The following CYP2C19 variants were observed in gnomAD, a reference collection of about 807,000 sequenced individuals.
CYP2C19 encodes the protein cytochrome P450 2C19.
CYP2C19 carries 59 observed loss-of-function variants against 40.9 expected under a neutral mutation model. The observed-to-expected ratio is 1.44, with a 90% confidence interval of 1.17 to 1.79. CYP2C19 has a LOEUF of 1.79. Among genes scored for constraint, CYP2C19 ranks in the 40% most tolerant of loss-of-function variants. The probability of loss-of-function intolerance (pLI) is 0.00; values close to 1 mark genes in which losing one functional copy is unlikely to be tolerated. For synonymous variants in CYP2C19, 253 were observed against 208.7 expected, an observed-to-expected ratio of 1.21 and a Z score of -1.83; for missense variants, 754 against 596.9, an observed-to-expected ratio of 1.26 and a Z score of -2.74.
chr10:94,830,552 G>T (rs550698782), intron 6 of CYP2C19, among the ~76,000 whole-genome samples: 4 of 152,144 alleles, frequency 2.6e-5, no homozygotes, highest in African/African-American at 9.7e-5. Context: ...TGCGCCCACT[G>T]TCTGGCACTC....
chr10:94,821,654 T>C (rs1849123791), intron 6 of CYP2C19, among the ~76,000 whole-genome samples: 1 of 152,226 alleles, frequency 6.6e-6, no homozygotes, highest in Non-Finnish European at 1.5e-5. Flanking sequence ...TTAAAGACTT[T>C]CGGTTATGCT....
chr10:94,793,624 A>C (rs952449639), intron 5 of CYP2C19, among the ~76,000 whole-genome samples: 2 of 152,050 alleles, frequency 1.3e-5, no homozygotes, highest in African/African-American at 4.8e-5. Flanking sequence ...CTGGAGGTCC[A>C]CTCCAGACCC....
intron 5 of CYP2C19, among the ~76,000 whole-genome samples, chr10:94,805,436 G>A (rs559860301): frequency 2.6e-5 from 4 of 152,214 alleles, no homozygotes; most frequent in Non-Finnish European, 4.4e-5. Context: ...TGTAAAAAAT[G>A]TTGTGGCAAA....
At chr10:94,847,510 C>T (rs1849590626) in intron 7 of CYP2C19, among the ~76,000 whole-genome samples, 2 of 152,094 alleles carry the variant, frequency 1.3e-5, no homozygotes, top group South Asian at 2.1e-4. Flanking sequence ...CAAGTCGTTG[C>T]TATTGTGAGT....
chr10:94,810,835 C>A, intron 5 of CYP2C19, among the ~76,000 whole-genome samples: 1 of 152,012 alleles, frequency 6.6e-6, no homozygotes, highest in East Asian at 1.9e-4. Flanking sequence ...AGAAAATTAA[C>A]TCCTGTATTC....
intron 5 of CYP2C19, among the ~76,000 whole-genome samples, chr10:94,812,441 T>A (rs1589363664): frequency 1.3e-5 from 2 of 152,106 alleles, no homozygotes; most frequent in East Asian, 3.9e-4. Flanking sequence ...ATTGTGGAAG[T>A]TCTCCTGGAT....
intron 5 of CYP2C19, among the ~76,000 whole-genome samples, chr10:94,817,030 A>G (rs1332414591): frequency 8.3e-6 from 1 of 120,534 alleles, no homozygotes; most frequent in Non-Finnish European, 1.8e-5. Context: ...ATAATGCCGC[A>G]ATAAACATAC....
In CYP2C19 at chr10:94,824,728, CAT is replaced by C. The variant is rs548484156; in HGVS notation, c.961+4092_961+4093del. ...TGTGCAGGTTAGTTACATATGTACA[CAT>C]GTGCCATGCTGGTGCACGGCACCCA... On this transcript the variant is annotated intron_variant, in intron 6 of 8. Coordinates refer to ENST00000371321, the MANE Select transcript of CYP2C19 (RefSeq NM_000769.4). Among the ~76,000 whole-genome samples the C allele has an allele frequency of 8.0e-3, 1,216 of 151,978 alleles. 11 individuals carry two copies. Among genetic ancestry groups the C allele is most frequent in the Non-Finnish European group, 9.8e-3 (665 of 67,966 alleles).
intron 5 of CYP2C19, among the ~76,000 whole-genome samples, chr10:94,797,353 T>C (rs935432430): frequency 6.6e-6 from 1 of 152,054 alleles, no homozygotes; most frequent in Admixed American, 6.6e-5. Flanking sequence ...AACTTGATTG[T>C]GGTGGATAAG....
intron 3 of CYP2C19, chr10:94,776,081 C>T (rs1848405305): frequency 6.3e-6 from 1 of 159,204 alleles, no homozygotes; most frequent in Non-Finnish European, 1.4e-5. Context: ...GTTTTTATTG[C>T]TTAGGCATAT....
chr10:94,810,733 T>C (rs1455683566), intron 5 of CYP2C19, among the ~76,000 whole-genome samples: 2 of 152,162 alleles, frequency 1.3e-5, no homozygotes, highest in Non-Finnish European at 2.9e-5. Context: ...AGTGGTGATA[T>C]CCCCTTTATC....
intron 5 of CYP2C19, among the ~76,000 whole-genome samples, chr10:94,791,093 T>G (rs1848599448): frequency 6.6e-6 from 1 of 152,138 alleles, no homozygotes; most frequent in Non-Finnish European, 1.5e-5. Flanking sequence ...GGTTTAGTCT[T>G]GGGAGGGTGT....
rs969662157 is a variant in CYP2C19 at position 94,782,056 on chromosome 10, T to C, written c.819+59T>C. 18 of 1,410,772 alleles carry C rather than the reference T, an allele frequency of 1.3e-5. No homozygotes were observed. The African/African-American group carries it at 2.4e-4, about 19-fold the overall frequency. The allele number at this position is 1,410,772 out of a possible 1,614,324, so 87.4% of individuals were successfully genotyped here. On this transcript the variant is annotated intron_variant, in intron 5 of 8. Transcript: ENST00000371321. ...GCTTGCGTATTTGTGATTCATTGAC[T>C]AGTTTTGTGTTTACTACGGATGTTT...
At chr10:94,809,429 T>G (rs1564672031) in intron 5 of CYP2C19, among the ~76,000 whole-genome samples, 1 of 152,158 alleles carries the variant, frequency 6.6e-6, no homozygotes, top group Admixed American at 6.6e-5. Context: ...TGCTGAAACT[T>G]TTTAACGTGA....
intron 5 of CYP2C19, among the ~76,000 whole-genome samples, chr10:94,785,383 G>A (rs1368777776): frequency 6.6e-6 from 1 of 151,986 alleles, no homozygotes; most frequent in African/African-American, 2.4e-5. Flanking sequence ...TTTGTATTTT[G>A]TCATCCAATT....
At chr10:94,814,642 G>C (rs974164896) in intron 5 of CYP2C19, among the ~76,000 whole-genome samples, 1 of 151,384 alleles carries the variant, frequency 6.6e-6, no homozygotes, top group Admixed American at 6.6e-5. Flanking sequence ...GAGCAGTGTA[G>C]GTTGTTAATG....
At chr10:94,809,738 C>T (rs933718068) in intron 5 of CYP2C19, among the ~76,000 whole-genome samples, 4 of 151,968 alleles carry the variant, frequency 2.6e-5, no homozygotes, top group Admixed American at 6.6e-5. Context: ...AGATACATTC[C>T]ATCAAAATCT....
At chr10:94,768,846 G>T (rs1848286945) in intron 1 of CYP2C19, among the ~76,000 whole-genome samples, 1 of 152,120 alleles carries the variant, frequency 6.6e-6, no homozygotes, top group Non-Finnish European at 1.5e-5. Flanking sequence ...AAGGCTTAAA[G>T]CTGAAGCTTG....
intron 5 of CYP2C19, among the ~76,000 whole-genome samples, chr10:94,812,862 G>A (rs2134261462): frequency 6.6e-6 from 1 of 152,070 alleles, no homozygotes; most frequent in East Asian, 1.9e-4. Flanking sequence ...GCCTACTTCT[G>A]TCAATTCATC....
Sources: allele counts gnomAD v4.1 joint callset (sites outside exome capture counted in the v4.1 genomes callset), GRCh38; gene constraint gnomAD v4.1.1; transcripts MANE v1.5; gene names NCBI Gene and HGNC (gene_info 2026-07-23, HGNC 2026-07-21).